The following KCNG3 variants were observed in gnomAD, a reference collection of about 807,000 sequenced individuals.
The protein encoded by KCNG3 is potassium voltage-gated channel modifier subfamily G member 3, also known as voltage-gated potassium channel regulatory subunit KCNG3.
Under a neutral mutation model 29.0 loss-of-function variants are expected in KCNG3, and 15 were observed. That is an observed-to-expected ratio of 0.52 (90% confidence interval 0.35 to 0.80). KCNG3 has a LOEUF of 0.80. KCNG3 is among the 30% of genes least tolerant of loss of function. KCNG3 has a pLI of 0.01. For missense variants in KCNG3, 512 were observed against 605.7 expected, an observed-to-expected ratio of 0.85 and a Z score of 1.62; for synonymous variants, 322 against 248.9, an observed-to-expected ratio of 1.29 and a Z score of -2.76.
chr2:42,394,797 G>A, the KCNG3 span, among the ~76,000 whole-genome samples: 2 of 152,214 alleles, frequency 1.3e-5, no homozygotes, highest in African/African-American at 4.8e-5. Context: ...TTTGGCACAT[G>A]TTGTCACGAC....
chr2:42,444,646 T>C lies in KCNG3; in HGVS notation c.666-67A>G, dbSNP rs1672556202. ...AGCATTTTAATAGCTCTTAGATTTC[T>C]TCAGATAGTACTACACTGACATACT... is the stretch of plus-strand genomic sequence containing the variant. On this transcript the variant is annotated intron_variant, in intron 1 of 1. Transcript: ENST00000306078. This position sits in a 1 kb window ranked among gnomAD's most constrained non-coding sequence, Gnocchi z 5.8. The C allele has an allele frequency of 1.4e-6, 2 of 1,396,540 alleles. No homozygotes were observed. The highest frequency in any genetic ancestry group is 2.9e-5 in the African/African-American group (2 of 69,752). 86.5% of individuals were successfully genotyped at this position (1,396,540 alleles called of 1,614,324 possible).
chr2:42,400,923 T>C, the KCNG3 span, among the ~76,000 whole-genome samples: 1 of 152,080 alleles, frequency 6.6e-6, no homozygotes, highest in South Asian at 2.1e-4. Flanking sequence ...TCATCTATTA[T>C]AAATATTTCA....
At chr2:42,448,805 GT>G in intron 1 of KCNG3, among the ~76,000 whole-genome samples, 1 of 151,978 alleles carries the variant, frequency 6.6e-6, no homozygotes, top group Non-Finnish European at 1.5e-5. Flanking sequence ...GTGAAACCCC[GT>G]TCTCTACTAA....
At chr2:42,418,645 C>A in the KCNG3 span, among the ~76,000 whole-genome samples, 19 of 152,222 alleles carry the variant, frequency 1.2e-4, no homozygotes, top group Non-Finnish European at 2.6e-4. Flanking sequence ...TGAATCATTG[C>A]AAATGTGTGG....
chr2:42,493,036 G>T lies in KCNG3; in HGVS notation c.466C>A (p.Arg156Ser). The part of the protein sequence containing the change: ...EAAPSRRWLE[R>S]MRRTFEEPTS... ...GGCTCCTCGAAGGTCCGCCGCATGC[G>T]CTCCAGCCAGCGCCTGGAGGGAGCC... Residue 156 changes from arginine to serine, a missense_variant, in exon 1 of 2, where the codon CGC becomes AGC. This residue lies in a region of KCNG3 where 228 missense variants were observed against 200.0 expected (regional missense o/e 1.14). Coordinates refer to ENST00000306078, the MANE Select transcript of KCNG3 (RefSeq NM_133329.6). 2.0e-6 allele frequency: 3 copies of T among 1,518,688 alleles called. No individual in the cohort carries two copies. Among genetic ancestry groups the T allele is most frequent in the Non-Finnish European group, 2.6e-6 (3 of 1,138,350 alleles). The allele number at this position is 1,518,688 out of a possible 1,614,324, so 94.1% of individuals were successfully genotyped here.
the KCNG3 span, among the ~76,000 whole-genome samples, chr2:42,437,004 T>C: frequency 7.9e-5 from 12 of 152,216 alleles, no homozygotes; most frequent in Non-Finnish European, 1.6e-4. Flanking sequence ...GATTCCCTAA[T>C]TGAGTTCCTG....
the KCNG3 span, among the ~76,000 whole-genome samples, chr2:42,390,777 G>T: frequency 6.6e-6 from 1 of 152,220 alleles, no homozygotes; most frequent in Non-Finnish European, 1.5e-5. Flanking sequence ...TATTAGAACA[G>T]CTCTCCCACC....
At chr2:42,416,184 C>G in the KCNG3 span, among the ~76,000 whole-genome samples, 2 of 152,042 alleles carry the variant, frequency 1.3e-5, no homozygotes, top group African/African-American at 4.8e-5. Flanking sequence ...GCCCTCCAGC[C>G]TGGAGACAAA....
chr2:42,453,040 C>G (rs1238967181), intron 1 of KCNG3, among the ~76,000 whole-genome samples: 5 of 152,222 alleles, frequency 3.3e-5, no homozygotes, highest in African/African-American at 7.2e-5. Context: ...CCTCAGCCTC[C>G]CAAAGTGCTG....
At chr2:42,478,198 T>C (rs1201572654) in intron 1 of KCNG3, among the ~76,000 whole-genome samples, 1 of 152,166 alleles carries the variant, frequency 6.6e-6, no homozygotes, top group Non-Finnish European at 1.5e-5. Flanking sequence ...TTTTGTTTTA[T>C]GTAAATTACA....
chr2:42,484,654 T>A (rs907637762), intron 1 of KCNG3, among the ~76,000 whole-genome samples: 4 of 152,212 alleles, frequency 2.6e-5, no homozygotes, highest in Admixed American at 6.5e-5. Context: ...TAGGGCAAGT[T>A]AACTTTTCAC....
intron 1 of KCNG3, among the ~76,000 whole-genome samples, chr2:42,459,172 G>A (rs1672951748): frequency 6.7e-6 from 1 of 149,862 alleles, no homozygotes; most frequent in Admixed American, 6.8e-5. Context: ...CTCCAGACTG[G>A]GCAACAAGAG....
At chr2:42,467,256 C>T (rs1673163491) in intron 1 of KCNG3, among the ~76,000 whole-genome samples, 1 of 152,126 alleles carries the variant, frequency 6.6e-6, no homozygotes, top group Non-Finnish European at 1.5e-5. Context: ...CCAAAAGATG[C>T]ATACCGGGTC....
chr2:42,446,327 C>T (rs139918263), intron 1 of KCNG3, among the ~76,000 whole-genome samples: 66 of 151,832 alleles, frequency 4.3e-4, no homozygotes, highest in African/African-American at 1.5e-3. Flanking sequence ...CAGGCGCGCG[C>T]GATCACGCCT....
At chr2:42,453,951 T>C (rs1307303788) in intron 1 of KCNG3, among the ~76,000 whole-genome samples, 2 of 152,148 alleles carry the variant, frequency 1.3e-5, no homozygotes, top group African/African-American at 4.8e-5. Flanking sequence ...GCACCATTTA[T>C]TGAAGAGACT....
At chr2:42,454,110 A>G (rs1392383284) in intron 1 of KCNG3, among the ~76,000 whole-genome samples, 1 of 143,116 alleles carries the variant, frequency 7.0e-6, no homozygotes, top group Non-Finnish European at 1.5e-5. Context: ...AAAAAAAAAA[A>G]TCACACCAGA....
chr2:42,437,570 A>T (rs1320955701), downstream of KCNG3, among the ~76,000 whole-genome samples: 1 of 152,212 alleles, frequency 6.6e-6, no homozygotes, highest in Non-Finnish European at 1.5e-5. Context: ...CAGAGTGTAT[A>T]GTATAAAAGC....
At chr2:42,448,873 G>A (rs1024841197) in intron 1 of KCNG3, among the ~76,000 whole-genome samples, 13 of 152,060 alleles carry the variant, frequency 8.5e-5, no homozygotes, top group African/African-American at 2.9e-4. Context: ...AGCTACTTGG[G>A]AGGCTGAGGC....
At chr2:42,391,413 G>A in the KCNG3 span, among the ~76,000 whole-genome samples, 2 of 152,034 alleles carry the variant, frequency 1.3e-5, no homozygotes, top group East Asian at 3.9e-4. Context: ...GCTTGCAACA[G>A]CATCCTTAAG....
Sources: allele counts gnomAD v4.1 joint callset (sites outside exome capture counted in the v4.1 genomes callset), GRCh38; gene constraint gnomAD v4.1.1; regional missense constraint gnomAD v4.1.1; non-coding constraint Gnocchi (gnomAD v3.1); transcripts MANE v1.5; gene names NCBI Gene and HGNC (gene_info 2026-07-23, HGNC 2026-07-21).